Variants in CFAP57 observed in about 807,000 individuals in gnomAD.
CFAP57 encodes the protein cilia and flagella associated protein 57.
In CFAP57, 116 loss-of-function variants were observed where a neutral mutation model predicts 146.8. The observed-to-expected ratio is 0.79, with a 90% CI of 0.68 to 0.92. The LOEUF is 0.92. Among genes scored for constraint, CFAP57 ranks in the 40% least tolerant of loss-of-function variants. The probability of loss-of-function intolerance (pLI) is 0.00; values close to 1 mark genes in which losing one functional copy is unlikely to be tolerated. For missense variants in CFAP57, 1,377 were observed against 1,527.2 expected, an observed-to-expected ratio of 0.90 and a Z score of 1.64; for synonymous variants, 518 against 552.8, an observed-to-expected ratio of 0.94 and a Z score of 0.88.
Position 43,234,367 on chromosome 1 carries a change from A to G in CFAP57, c.3215A>G (p.Glu1072Gly). The G allele has an allele frequency of 6.4e-7, 1 of 1,550,412 alleles. No individual in the cohort carries two copies. The highest frequency in any genetic ancestry group is 8.7e-7 in the Non-Finnish European group (1 of 1,146,918). Reference protein sequence around the residue: ...AYIQEPRLLKEKVRGLFEKYV... With the variant: ...AYIQEPRLLKGKVRGLFEKYV... ...ATTCAGGAACCGCGGCTGCTGAAGG[A>G]GAAGGTTCGAGGTCTCTTTGAGAAG... The change falls in exon 20 of 23, where the codon GAG becomes GGG. Residue 1072 changes from glutamate to glycine, a missense_variant. Transcript: ENST00000372492.
At chr1:43,221,051 T>C (rs1389232188) in intron 13 of CFAP57, among the ~76,000 whole-genome samples, 1 of 152,170 alleles carries the variant, frequency 6.6e-6, no homozygotes. Flanking sequence ...GACAGCAATG[T>C]GCTGGCAACA....
At chr1:43,221,012 TACCCATGAGCACAGCC>T (rs1645023153) in intron 13 of CFAP57, among the ~76,000 whole-genome samples, 1 of 152,138 alleles carries the variant, frequency 6.6e-6, no homozygotes, top group Non-Finnish European at 1.5e-5. Context: ...CTCAGAAGCT[TACCCATGAGCACAGCC>T]AAGGATTTTG....
In CFAP57 at chr1:43,212,949, AAG is replaced by A. The variant is rs1491052376; in HGVS notation, c.1930-2304_1930-2303del. 4.7e-3 allele frequency among the ~76,000 whole-genome samples: 532 copies of A among 114,118 alleles called. 2 individuals are homozygous for A. The highest frequency in any genetic ancestry group is 0.028 in the Middle Eastern group (6 of 212). The allele number at this position is 114,118 out of a possible 152,430, so 74.9% of individuals were successfully genotyped here. On this transcript the variant is annotated intron_variant, in intron 11 of 22. Coordinates refer to ENST00000372492, the MANE Select transcript of CFAP57 (RefSeq NM_001378189.1). ...AGACTCTATCTCAAAAAAAAAAAAAAAGAAAGAAAGAAAGAAAAGAAAACTGA... is the reference window on the plus strand; with the variant it reads ...AGACTCTATCTCAAAAAAAAAAAAAAAAAGAAAGAAAGAAAAGAAAACTGA...
At chr1:43,196,416 G>A (rs767322194) in intron 6 of CFAP57, 2 of 153,362 alleles carry the variant, frequency 1.3e-5, no homozygotes, top group Admixed American at 6.5e-5. Flanking sequence ...GAGATAGTAG[G>A]GTCTACAGCC....
At position 43,208,437 on chromosome 1, in the gene CFAP57, A is replaced by G. The variant is rs568107445; in HGVS notation, c.1756-1306A>G. ...AGACTGGATTAAGAAAATGTGGCGCATATACACCATGGAATACTATGCAGC... is the reference window on the plus strand; with the variant it reads ...AGACTGGATTAAGAAAATGTGGCGCGTATACACCATGGAATACTATGCAGC... On this transcript the variant is annotated intron_variant, in intron 10 of 22. Transcript: ENST00000372492. Among the ~76,000 whole-genome samples, 11 of 152,354 alleles carry G rather than the reference A, an allele frequency of 7.2e-5. No homozygotes were observed. The South Asian group carries it at 2.3e-3, about 32-fold the overall frequency.
intron 9 of CFAP57, chr1:43,206,490 A>G (rs982879562): frequency 6.9e-5 from 39 of 567,900 alleles, no homozygotes; most frequent in Non-Finnish European, 1.1e-4. Flanking sequence ...CTTTACGTTC[A>G]TAAAGTGAAA....
At chr1:43,224,273 G>T in intron 17 of CFAP57, 69 bp downstream of exon 17, 1 of 1,440,704 alleles carries the variant, frequency 6.9e-7, no homozygotes, top group South Asian at 1.5e-5. Flanking sequence ...CAAAGCTCAG[G>T]GGAGAGAGGG....
intron 1 of CFAP57, 131 bp downstream of exon 1, chr1:43,172,584 A>AAAGGGGTGGGG (rs1557714704): frequency 2.2e-6 from 1 of 456,528 alleles, no homozygotes. Flanking sequence ...AAGGGGAGGG[A>AAAGGGGTGGGG]CAAGGGGAGG....
chr1:43,172,916 A>AT lies in CFAP57; in HGVS notation c.157+6_157+7insT, dbSNP rs779512271. On this transcript the variant is annotated splice_region_variant and intron_variant, in intron 2 of 22. Coordinates refer to ENST00000372492, the MANE Select transcript of CFAP57 (RefSeq NM_001378189.1). Reference sequence around the variant, plus strand: ...ATGGCAAAAATTCATTCCAGGTAAAACTTTTTCCATCCTGACATATACAGG... The same window carrying AT: ...ATGGCAAAAATTCATTCCAGGTAAAATCTTTTTCCATCCTGACATATACAGG... 2 of 1,613,060 alleles carry AT rather than the reference A, an allele frequency of 1.2e-6. No individual in the cohort carries two copies. The highest frequency in any genetic ancestry group is 1.7e-6 in the Non-Finnish European group (2 of 1,179,312).
intron 11 of CFAP57, among the ~76,000 whole-genome samples, chr1:43,214,395 T>C (rs1644755184): frequency 6.6e-6 from 1 of 152,198 alleles, no homozygotes; most frequent in Non-Finnish European, 1.5e-5. Flanking sequence ...TGTGGCTTTT[T>C]CCACTCAGCT....
intron 13 of CFAP57, among the ~76,000 whole-genome samples, chr1:43,220,225 GA>G (rs1354595393): frequency 3.9e-5 from 6 of 151,964 alleles, no homozygotes; most frequent in Non-Finnish European, 8.8e-5. Flanking sequence ...ATGATTAGGA[GA>G]AACTTATTTT....
In CFAP57 at chr1:43,198,541, T is replaced by C; in HGVS notation, c.1323T>C (p.Ser441=). 1 of 1,614,162 alleles carries C rather than the reference T, an allele frequency of 6.2e-7. No homozygotes were observed. The highest frequency in any genetic ancestry group is 8.5e-7 in the Non-Finnish European group (1 of 1,180,006). Residue 441 remains serine (S), a synonymous_variant, in exon 8 of 23, where the codon TCT becomes TCC. Coordinates refer to ENST00000372492, the MANE Select transcript of CFAP57 (RefSeq NM_001378189.1). Reference sequence around the variant, plus strand: ...CATATTCCATCAGCCTTCATCCATCTGGACACTTCATTGTAGTAGGGTTTG... The same window carrying C: ...CATATTCCATCAGCCTTCATCCATCCGGACACTTCATTGTAGTAGGGTTTG... ...EEAYSISLHP[S]GHFIVVGFAD... is the part of the protein sequence containing the mutation.
At chr1:43,210,258 G>T in intron 11 of CFAP57, 1 of 1,471,678 alleles carries the variant, frequency 6.8e-7, no homozygotes, top group South Asian at 1.4e-5. Flanking sequence ...GAATGCCCCA[G>T]ACTGAAAGGA....
Position 43,249,490 on chromosome 1 carries a change from C to T in CFAP57, c.3539-4487C>T, listed in dbSNP as rs1050918482. Among the ~76,000 whole-genome samples the T allele has an allele frequency of 5.9e-5, 7 of 118,384 alleles. No individual in the cohort carries two copies. In the South Asian group the frequency reaches 8.7e-4, roughly 15 times the overall value. The allele number at this position is 118,384 out of a possible 152,430, so 77.7% of individuals were successfully genotyped here. On this transcript the variant is annotated intron_variant, in intron 22 of 22. Transcript: ENST00000372492. The stretch of plus-strand genomic sequence containing the variant: ...TGTCACCCAGGCTGGAGTGCAGTGG[C>T]GCGATCTCGGCTCACTGCAACCTCT...
intron 22 of CFAP57, among the ~76,000 whole-genome samples, chr1:43,253,444 G>A (rs1289068502): frequency 1.3e-5 from 2 of 152,212 alleles, no homozygotes; most frequent in South Asian, 2.1e-4. Context: ...GCAGGGGTGA[G>A]CCGTGGACCC....
In CFAP57 at chr1:43,219,405, G is replaced by C. The variant is rs1014047740; in HGVS notation, c.2115G>C (p.Lys705Asn). The change falls in exon 13 of 23, where the codon AAG becomes AAC. Residue 705 changes from lysine (K) to asparagine (N), a missense_variant. Lys to Asn is a moderately conservative substitution (Grantham distance 94, BLOSUM62 0). Coordinates refer to ENST00000372492, the MANE Select transcript of CFAP57 (RefSeq NM_001378189.1). ...AGGCTCAGGTTATGTTGGAGCTAAA[G>C]ACTCGTGTGGAGGAATTAAAAATGG... ...EEKAQVMLEL[K>N]TRVEELKMEN... is the part of the protein sequence containing the mutation. 2.6e-6 allele frequency: 4 copies of C among 1,550,500 alleles called. No individual in the cohort carries two copies. In the African/African-American group the frequency reaches 5.5e-5, roughly 21 times the overall value.
chr1:43,232,540 G>A lies in CFAP57; in HGVS notation c.3042G>A (p.Gln1014=), dbSNP rs1470583714. ...MEAELENFHK[Q]NTQLELNITE... ...CTGAACTGGAGAATTTCCATAAGCA[G>A]AACACTCAACTGGAGCTGAACATCA... The change falls in exon 19 of 23, where the codon CAG becomes CAA. Residue 1014 remains glutamine, a synonymous_variant. Transcript: ENST00000372492. 6.5e-7 allele frequency: 1 copy of A among 1,550,158 alleles called. No homozygotes were observed. The highest frequency in any genetic ancestry group is 8.7e-7 in the Non-Finnish European group (1 of 1,146,746).
At chr1:43,227,805 A>G (rs1326501948) in intron 18 of CFAP57, among the ~76,000 whole-genome samples, 3 of 151,974 alleles carry the variant, frequency 2.0e-5, no homozygotes, top group Non-Finnish European at 4.4e-5. Context: ...CTAAAACCGA[A>G]TTCTTGATTT....
intron 11 of CFAP57, among the ~76,000 whole-genome samples, chr1:43,211,779 C>T (rs2124506675): frequency 6.7e-6 from 1 of 148,268 alleles, no homozygotes; most frequent in East Asian, 2.0e-4. Flanking sequence ...TTAGTAGCTA[C>T]ACAAATATCC....
Sources: allele counts gnomAD v4.1 joint callset (sites outside exome capture counted in the v4.1 genomes callset), GRCh38; gene constraint gnomAD v4.1.1; transcripts MANE v1.5; gene names NCBI Gene and HGNC (gene_info 2026-07-23, HGNC 2026-07-21).